Variants in TPO observed in about 807,000 individuals in gnomAD.
TPO encodes thyroid microsomal antigen.
In TPO, 78 loss-of-function variants were observed where a neutral mutation model predicts 96.9. The ratio of observed to expected loss-of-function variants is 0.81; its 90% CI spans 0.67 to 0.97. TPO has a LOEUF of 0.97. Ranked by LOEUF, TPO falls within the 50% of genes least tolerant of loss-of-function variation. The pLI is 0.00. For missense variants in TPO, 1,252 were observed against 1,274.8 expected (o/e 0.98, Z 0.27); for synonymous variants, 547 against 538.0 (o/e 1.02, Z -0.23).
chr2:1,525,604 TC>T (rs1156353461), intron 15 of TPO, among the ~76,000 whole-genome samples: 1 of 60,970 alleles, frequency 1.6e-5, no homozygotes, highest in South Asian at 7.1e-4. Flanking sequence ...AAACCACAAA[TC>T]CCCCCACTGT....
chr2:1,421,431 G>C (rs2148429242), intron 2 of TPO, among the ~76,000 whole-genome samples: 1 of 151,994 alleles, frequency 6.6e-6, no homozygotes, highest in South Asian at 2.1e-4. Context: ...GAAGTGAGCT[G>C]CCGCGTCACT....
chr2:1,512,214 A>AT (rs1474791220), intron 14 of TPO, among the ~76,000 whole-genome samples: 1 of 152,012 alleles, frequency 6.6e-6, no homozygotes, highest in Non-Finnish European at 1.5e-5. Flanking sequence ...TTGTTTTTGT[A>AT]TTTTTAGTAG....
At chr2:1,464,330 G>A (rs1558317322) in intron 7 of TPO, among the ~76,000 whole-genome samples, 1 of 152,156 alleles carries the variant, frequency 6.6e-6, no homozygotes, top group African/African-American at 2.4e-5. Flanking sequence ...CCACAGTTTG[G>A]CAATTGTGAA....
Position 1,405,624 on chromosome 2 carries a change from G to C in TPO, n.180+31222G>C, listed in dbSNP as rs528467554. On this transcript the variant is annotated intron_variant and non_coding_transcript_variant, in intron 1 of 5. Transcript: ENST00000497517. ...GAACATTTCCTCATTATTTCAGCTT[G>C]TCAGGTGCCCTCTTCTGTTTTCTCA... Among the ~76,000 whole-genome samples, 6 of 151,304 alleles carry C rather than the reference G, an allele frequency of 4.0e-5. No homozygotes were observed. In the South Asian group the frequency reaches 8.3e-4, roughly 21 times the overall value.
chr2:1,539,581 C>T (rs1680480425), intron 15 of TPO, among the ~76,000 whole-genome samples: 1 of 152,110 alleles, frequency 6.6e-6, no homozygotes, highest in African/African-American at 2.4e-5. Flanking sequence ...GGGGCGGTGA[C>T]GGTGCACTGG....
intron 13 of TPO, among the ~76,000 whole-genome samples, chr2:1,498,040 G>A (rs1186452973): frequency 6.8e-6 from 1 of 147,884 alleles, no homozygotes; most frequent in Non-Finnish European, 1.5e-5. Context: ...GGTGTGATAA[G>A]TTGCACAAGG....
At chr2:1,469,614 G>T (rs1669200964) in intron 7 of TPO, among the ~76,000 whole-genome samples, 1 of 152,078 alleles carries the variant, frequency 6.6e-6, no homozygotes, top group African/African-American at 2.4e-5. Context: ...TGGCTTCCTA[G>T]GGGACCCAGA....
At chr2:1,528,506 T>C (rs62117032) in intron 15 of TPO, among the ~76,000 whole-genome samples, 86,396 of 136,588 alleles carry the variant, frequency 0.63, 27,527 homozygotes, top group African/African-American at 0.76. Context: ...TTCTGTGCAA[T>C]TTCCCCAAAT....
intron 7 of TPO, among the ~76,000 whole-genome samples, chr2:1,474,667 G>C (rs765621190): frequency 1.8e-4 from 27 of 152,082 alleles, no homozygotes; most frequent in Non-Finnish European, 3.5e-4. Flanking sequence ...TTTCTATTTT[G>C]TTAGGGAGTC....
chr2:1,506,006 T>A (rs1373250197), intron 14 of TPO, among the ~76,000 whole-genome samples: 3 of 151,004 alleles, frequency 2.0e-5, no homozygotes, highest in African/African-American at 2.4e-5. Flanking sequence ...ATTTAACATT[T>A]GGTATATCTC....
chr2:1,468,352 G>T (rs1669095778), intron 7 of TPO, among the ~76,000 whole-genome samples: 1 of 152,104 alleles, frequency 6.6e-6, no homozygotes, highest in African/African-American at 2.4e-5. Flanking sequence ...TCCAGGATTT[G>T]TTTCAAGATT....
Position 1,542,626 on chromosome 2 carries a change from G to A in TPO, c.*152G>A, listed in dbSNP as rs1440899446. ...CCATGTCGTAGTTACTCTCAGGCAT[G>A]GATGAATAAATGTTATAGCTGCATT... On this transcript the variant is annotated 3_prime_UTR_variant, in exon 17 of 17. Coordinates refer to ENST00000329066, the MANE Select transcript of TPO (RefSeq NM_001206744.2). 4.5e-6 allele frequency: 7 copies of A among 1,549,858 alleles called. No individual in the cohort carries two copies. Among genetic ancestry groups the A allele is most frequent in the South Asian group, 1.2e-5 (1 of 83,300 alleles).
chr2:1,484,559 C>T (rs373327555), intron 8 of TPO, 37 bp from the exon 9 acceptor site: 1 of 1,613,798 alleles, frequency 6.2e-7, no homozygotes, highest in Non-Finnish European at 8.5e-7. Flanking sequence ...CCTCTGGTAT[C>T]CTGGGCCTCA....
chr2:1,407,174 T>A (rs562947037), intron 1 of TPO, among the ~76,000 whole-genome samples: 1 of 152,330 alleles, frequency 6.6e-6, no homozygotes, highest in South Asian at 2.1e-4. Context: ...TATGTTAATA[T>A]TGACAAATTG....
chr2:1,437,838 G>T (rs75907422), intron 5 of TPO, among the ~76,000 whole-genome samples: 24 of 36,992 alleles, frequency 6.5e-4, no homozygotes, highest in African/African-American at 1.1e-3. Context: ...TGAAGCCTGG[G>T]GGGGGGTCTG....
intron 13 of TPO, 121 bp downstream of exon 13, chr2:1,496,886 G>T: frequency 6.9e-7 from 1 of 1,449,272 alleles, no homozygotes; most frequent in Admixed American, 1.9e-5. Flanking sequence ...ATCTTCCCAG[G>T]AGCAATCTGG....
chr2:1,480,776 G>GTCCACACCACCTCCCTCCTCCTT lies in TPO; in HGVS notation c.1338+3172_1338+3173insTCCACACCACCTCCCTCCTCCTT, dbSNP rs1670518076. On this transcript the variant is annotated intron_variant, in intron 8 of 16. Coordinates refer to ENST00000329066, the MANE Select transcript of TPO (RefSeq NM_001206744.2). The stretch of plus-strand genomic sequence containing the variant: ...CCGTCCACACCACCTCCCTCCTCCT[G>GTCCACACCACCTCCCTCCTCCTT]CATCCGTCCACACCACCTTCCTCCT... 1.9e-4 allele frequency among the ~76,000 whole-genome samples: 18 copies of GTCCACACCACCTCCCTCCTCCTT among 96,910 alleles called. No homozygotes were observed. In the East Asian group the frequency reaches 2.0e-3, roughly 11 times the overall value. 63.6% of individuals were successfully genotyped at this position (96,910 alleles called of 152,430 possible). A position where few individuals can be genotyped will look rare whatever the true frequency, so the allele number is the denominator to read the frequency against.
chr2:1,488,251 T>C (rs1421411431), intron 10 of TPO, among the ~76,000 whole-genome samples: 1 of 152,144 alleles, frequency 6.6e-6, no homozygotes, highest in Non-Finnish European at 1.5e-5. Flanking sequence ...CAGCCGCTTC[T>C]AGTAGAGGGA....
At chr2:1,453,099 A>T (rs1293726563) in intron 5 of TPO, among the ~76,000 whole-genome samples, 1 of 152,178 alleles carries the variant, frequency 6.6e-6, no homozygotes. Flanking sequence ...TCTCTCTCTC[A>T]GGAGAGACTT....
Sources: gnomAD v4.1 joint callset for allele counts (sites outside exome capture counted in the v4.1 genomes callset) on GRCh38, gnomAD v4.1.1 for gene constraint, MANE v1.5 for transcripts, NCBI Gene and HGNC (gene_info 2026-07-23, HGNC 2026-07-21) for gene names.